CLVS1: variants seen among roughly 807,000 people sequenced by gnomAD.
The protein encoded by CLVS1 is clavesin-1.
In CLVS1, 10 loss-of-function variants were observed where a neutral mutation model predicts 33.1. The ratio of observed to expected loss-of-function variants is 0.30; its 90% CI spans 0.19 to 0.51. The LOEUF is 0.51. CLVS1 is among the 20% of genes least tolerant of loss of function. The pLI, the probability that CLVS1 is intolerant of heterozygous loss-of-function variation, is 0.97. For missense variants in CLVS1, 343 were observed against 433.4 expected (o/e 0.79, Z 1.85); for synonymous variants, 163 against 166.1 (o/e 0.98, Z 0.14).
rs17773313 is a variant in CLVS1, at chr8:61,276,437, C to T, written c.-151-23240C>T. 2.0e-5 allele frequency among the ~76,000 whole-genome samples: 3 copies of T among 152,168 alleles called. No homozygotes were observed. In the East Asian group the frequency reaches 5.8e-4, roughly 29 times the overall value. ...GAGTTAGAAAGATTGCTCAAGAAAC[C>T]CTTGCATTCATGCACCAGTAAAGTT... On this transcript the variant is annotated intron_variant, in intron 2 of 2. Transcript: ENST00000522621.
Position 61,496,796 on chromosome 8 carries a change from A to G in CLVS1, c.978-2659A>G, listed in dbSNP as rs116504585. Among the ~76,000 whole-genome samples, 385 of 152,298 alleles carry G rather than the reference A, an allele frequency of 2.5e-3. 2 individuals carry two copies. The highest frequency in any genetic ancestry group is 8.6e-3 in the African/African-American group (357 of 41,564). ...CTTAGGCAAAACAACAGTGATTTTT[A>G]TGGTGAGGTGGAAGGAACACTCGAT... On this transcript the variant is annotated intron_variant, in intron 5 of 5. Transcript: ENST00000325897.
chr8:61,233,948 T>G (rs187232648), intron 2 of CLVS1, among the ~76,000 whole-genome samples: 287 of 152,358 alleles, frequency 1.9e-3, no homozygotes, highest in African/African-American at 2.2e-3. Flanking sequence ...AGACTCGCTC[T>G]CTCTCTCTTT....
chr8:60,972,785 C>T, the CLVS1 span, among the ~76,000 whole-genome samples: 1 of 152,190 alleles, frequency 6.6e-6, no homozygotes, highest in African/African-American at 2.4e-5. Flanking sequence ...GCCCATCAAG[C>T]AATCCTTGAA....
chr8:61,406,842 C>A (rs1210629734), intron 3 of CLVS1, among the ~76,000 whole-genome samples: 1 of 152,168 alleles, frequency 6.6e-6, no homozygotes, highest in Non-Finnish European at 1.5e-5. Context: ...CTCCTGCGCT[C>A]AGGCAATCCA....
chr8:61,239,816 C>G (rs922006557), intron 2 of CLVS1, among the ~76,000 whole-genome samples: 1 of 152,154 alleles, frequency 6.6e-6, no homozygotes, highest in Non-Finnish European at 1.5e-5. Flanking sequence ...TAAGCTTTCA[C>G]GCAATATGTA....
chr8:61,299,805 A>G lies in CLVS1; in HGVS notation c.-23A>G, dbSNP rs28564572. On this transcript the variant is annotated 5_prime_UTR_variant, in exon 2 of 6. Transcript: ENST00000325897. ...AGTAAAACACTGTTGAATGGGCCAC[A>G]GTTTCAGCAGACCATCAGGTGAATG... 5.9e-3 allele frequency: 9,232 copies of G among 1,562,380 alleles called. 440 individuals carry two copies. The African/African-American group carries it at 0.11, about 18-fold the overall frequency.
intron 2 of CLVS1, among the ~76,000 whole-genome samples, chr8:61,222,978 G>T (rs4033617): frequency 1.6e-5 from 2 of 128,880 alleles, no homozygotes; most frequent in African/African-American, 3.1e-5. Flanking sequence ...TTTTGTCAGA[G>T]ACTAGGATTG....
At chr8:61,110,113 T>C (rs918478222) in intron 1 of CLVS1, among the ~76,000 whole-genome samples, 1 of 152,194 alleles carries the variant, frequency 6.6e-6, no homozygotes, top group Non-Finnish European at 1.5e-5. Flanking sequence ...CCCCCTTCTA[T>C]TGAGGCCTTG....
intron 2 of CLVS1, among the ~76,000 whole-genome samples, chr8:61,199,637 A>G (rs570168906): frequency 7.9e-4 from 120 of 152,214 alleles, no homozygotes; most frequent in Non-Finnish European, 1.3e-3. Flanking sequence ...TAAAAAGGGA[A>G]TGTTTATCAC....
At chr8:61,436,283 T>C (rs1364105152) in intron 3 of CLVS1, among the ~76,000 whole-genome samples, 1 of 152,214 alleles carries the variant, frequency 6.6e-6, no homozygotes, top group Non-Finnish European at 1.5e-5. Context: ...ACCACTTCTC[T>C]CTGAATACCA....
At chr8:61,220,574 G>C (rs1808186492) in intron 2 of CLVS1, among the ~76,000 whole-genome samples, 1 of 151,250 alleles carries the variant, frequency 6.6e-6, no homozygotes, top group Non-Finnish European at 1.5e-5. Flanking sequence ...TTGTAATATA[G>C]TTTGAAGTCA....
the CLVS1 span, among the ~76,000 whole-genome samples, chr8:61,030,153 G>A: frequency 6.6e-6 from 1 of 152,242 alleles, no homozygotes; most frequent in African/African-American, 2.4e-5. Flanking sequence ...CACTGGTAAG[G>A]CTCTGGGAAT....
intron 2 of CLVS1, chr8:61,202,944 A>T: frequency 7.0e-7 from 1 of 1,434,552 alleles, no homozygotes; most frequent in Non-Finnish European, 9.7e-7. Context: ...AAGATACTCC[A>T]GCCAAAAATG....
chr8:61,211,551 G>A (rs1183100507), intron 2 of CLVS1, among the ~76,000 whole-genome samples: 1 of 152,128 alleles, frequency 6.6e-6, no homozygotes, highest in Non-Finnish European at 1.5e-5. Context: ...TCCACTGGAG[G>A]GCAAGTCTTT....
At position 61,208,417 on chromosome 8, in the gene CLVS1, C is replaced by T. The variant is rs190891715; in HGVS notation, c.-152+76557C>T. Among the ~76,000 whole-genome samples the T allele has an allele frequency of 3.8e-3, 574 of 152,230 alleles. 6 individuals carry two copies. Among genetic ancestry groups the T allele is most frequent in the Non-Finnish European group, 3.5e-3 (239 of 68,022 alleles). ...CATTCTTAGTCTTTCCTGGCAAGAG[C>T]TGCAATAGTTTAAGAAATCAGCTTT... On this transcript the variant is annotated intron_variant, in intron 2 of 2. Coordinates refer to the CLVS1 transcript ENST00000522621.
intron 2 of CLVS1, among the ~76,000 whole-genome samples, chr8:61,373,182 C>G (rs1272707311): frequency 6.6e-6 from 1 of 152,110 alleles, no homozygotes; most frequent in African/African-American, 2.4e-5. Flanking sequence ...GAAATTCATA[C>G]AAGGAAGCCA....
chr8:61,418,539 A>T (rs1054022620), intron 3 of CLVS1, among the ~76,000 whole-genome samples: 4 of 152,162 alleles, frequency 2.6e-5, no homozygotes, highest in Non-Finnish European at 5.9e-5. Context: ...CCCTTTCTCC[A>T]TACTCATACA....
intron 5 of CLVS1, among the ~76,000 whole-genome samples, chr8:61,463,774 T>C (rs1026943346): frequency 1.3e-5 from 2 of 151,912 alleles, no homozygotes; most frequent in African/African-American, 4.8e-5. Context: ...ATAAGAATAA[T>C]AAAAAGTTTG....
rs1020059197 is a variant in CLVS1, at chr8:61,182,460, A to G, written c.-152+50600A>G. ...GACAAAGGTCTAATATCCAGAATCTACAAGGACCTTAAACAAATTTATGAG... is the reference window on the plus strand; with the variant it reads ...GACAAAGGTCTAATATCCAGAATCTGCAAGGACCTTAAACAAATTTATGAG... On this transcript the variant is annotated intron_variant, in intron 2 of 2. Coordinates refer to the CLVS1 transcript ENST00000522621. Among the ~76,000 whole-genome samples the G allele has an allele frequency of 2.0e-5, 3 of 152,224 alleles. No individual in the cohort carries two copies. In the East Asian group the frequency reaches 5.8e-4, roughly 29 times the overall value.
Sources: allele counts gnomAD v4.1 joint callset (sites outside exome capture counted in the v4.1 genomes callset), GRCh38; gene constraint gnomAD v4.1.1; transcripts MANE v1.5; gene names NCBI Gene and HGNC (gene_info 2026-07-23, HGNC 2026-07-21).